The following KLHL22 variants were observed in gnomAD, a reference collection of about 807,000 sequenced individuals.
KLHL22 encodes kelch-like protein 22.
In KLHL22, 18 loss-of-function variants were observed where a neutral mutation model predicts 60.7. That is an observed-to-expected ratio of 0.30 (90% CI 0.20 to 0.44). KLHL22 has a LOEUF of 0.44. KLHL22 is among the 20% of genes least tolerant of loss of function. The pLI is 1.00. For synonymous variants in KLHL22, 355 were observed against 354.5 expected (o/e 1.00, Z -0.01); for missense variants, 596 against 852.3 (o/e 0.70, Z 3.74).
intron 3 of KLHL22, among the ~76,000 whole-genome samples, chr22:20,468,231 G>A (rs1463554143): frequency 6.6e-6 from 1 of 152,190 alleles, no homozygotes; most frequent in African/African-American, 2.4e-5. Context: ...TCATGGGCCA[G>A]GGTCCTGAAG....
intron 5 of KLHL22, among the ~76,000 whole-genome samples, chr22:20,457,356 G>A (rs563485843): frequency 6.6e-6 from 1 of 152,126 alleles, no homozygotes; most frequent in East Asian, 1.9e-4. Flanking sequence ...GCTCTGGAAG[G>A]CGCCACCCTT....
Position 20,494,760 on chromosome 22 carries a change from G to A in KLHL22, c.-34+1000C>T, listed in dbSNP as rs190562837. On this transcript the variant is annotated intron_variant, in intron 1 of 6. Transcript: ENST00000328879. ...CGAAGTTTCAGTGGGGAGAAGAAAG[G>A]AAGCTTAATGTGCCACATAGCTACA... Among the ~76,000 whole-genome samples, 7 of 152,354 alleles carry A rather than the reference G, an allele frequency of 4.6e-5. No individual in the cohort carries two copies. In the East Asian group the frequency reaches 1.2e-3, roughly 25 times the overall value.
At chr22:20,455,913 C>A (rs1178059257) in intron 5 of KLHL22, among the ~76,000 whole-genome samples, 1 of 152,202 alleles carries the variant, frequency 6.6e-6, no homozygotes, top group Non-Finnish European at 1.5e-5. Flanking sequence ...AGGGAGGTTT[C>A]CCATGCCAGT....
intron 2 of KLHL22, among the ~76,000 whole-genome samples, chr22:20,473,871 G>C (rs1212737772): frequency 6.6e-6 from 1 of 151,796 alleles, no homozygotes; most frequent in East Asian, 1.9e-4. Flanking sequence ...GTGAAACTCT[G>C]TCACACACAC....
At chr22:20,458,039 C>A in intron 4 of KLHL22, 39 bp from the exon 5 acceptor site, 12 of 1,606,732 alleles carry the variant, frequency 7.5e-6, no homozygotes, top group Non-Finnish European at 1.0e-5. Flanking sequence ...ACTGACTAGG[C>A]AGGGAGGCTG....
At chr22:20,476,737 T>C (rs1181985917) in intron 2 of KLHL22, among the ~76,000 whole-genome samples, 6 of 117,590 alleles carry the variant, frequency 5.1e-5, no homozygotes, top group African/African-American at 1.4e-4. Context: ...TGACAGAGTC[T>C]CGCTCTTGTT....
chr22:20,488,659 CTG>C (rs1239002945), intron 2 of KLHL22: 7 of 227,516 alleles, frequency 3.1e-5, no homozygotes, highest in African/African-American at 2.3e-4. Flanking sequence ...GCAATAATTA[CTG>C]ACGGAGGGGA....
At position 20,477,762 on chromosome 22, in the gene KLHL22, A is replaced by C. The variant is rs1159587320; in HGVS notation, c.228-6247T>G. The stretch of plus-strand genomic sequence containing the variant: ...GATTACACATTTCTTTTTCATTTTT[A>C]TGTTTTTAGAGACAGGGTTGCTACG... On this transcript the variant is annotated intron_variant, in intron 2 of 6. Transcript: ENST00000328879. Among the ~76,000 whole-genome samples, 3 of 152,190 alleles carry C rather than the reference A, an allele frequency of 2.0e-5. No individual in the cohort carries two copies. The East Asian group carries it at 5.8e-4, about 29-fold the overall frequency.
rs2053754971 is a variant in KLHL22, at chr22:20,495,497, A to C, written c.-34+263T>G. Among the ~76,000 whole-genome samples, 1 of 151,778 alleles carries C rather than the reference A, an allele frequency of 6.6e-6. No homozygotes were observed. The highest frequency in any genetic ancestry group is 1.5e-5 in the Non-Finnish European group (1 of 67,904). ...CGGCGCGCCAGCAGCCGCGCTGAGG[A>C]GGCCTCGCACCCTGGCCCCTGGCCG... On this transcript the variant is annotated intron_variant, in intron 1 of 6. Coordinates refer to ENST00000328879, the MANE Select transcript of KLHL22 (RefSeq NM_032775.4). The surrounding 1 kb of genome is among the most constrained non-coding windows in gnomAD (Gnocchi z 4.6).
intron 3 of KLHL22, among the ~76,000 whole-genome samples, chr22:20,466,017 A>G (rs1289147475): frequency 1.3e-5 from 2 of 152,130 alleles, no homozygotes; most frequent in South Asian, 2.1e-4. Context: ...GAAGAGGAAC[A>G]TGATGAAAAT....
chr22:20,466,149 G>A (rs1319087420), intron 3 of KLHL22, among the ~76,000 whole-genome samples: 1 of 152,034 alleles, frequency 6.6e-6, no homozygotes, highest in African/African-American at 2.4e-5. Flanking sequence ...GACAAGGTGG[G>A]TGTATCACGA....
intron 1 of KLHL22, among the ~76,000 whole-genome samples, chr22:20,492,927 G>A (rs1057036324): frequency 4.6e-5 from 7 of 152,022 alleles, no homozygotes; most frequent in Admixed American, 2.0e-4. Flanking sequence ...AGGAGATTCC[G>A]GCTTCTTGAG....
chr22:20,458,105 C>A, intron 4 of KLHL22, 105 bp from the exon 5 acceptor site: 1 of 1,248,056 alleles, frequency 8.0e-7, no homozygotes, highest in Non-Finnish European at 1.1e-6. Context: ...CTCAGCCCAG[C>A]CTGAACCCTC....
intron 2 of KLHL22, among the ~76,000 whole-genome samples, chr22:20,486,054 G>A (rs1284951623): frequency 6.7e-6 from 1 of 149,166 alleles, no homozygotes; most frequent in Admixed American, 6.8e-5. Flanking sequence ...TGTAGTCCCA[G>A]CTACTCGAGA....
intron 2 of KLHL22, among the ~76,000 whole-genome samples, chr22:20,472,204 A>G (rs556979725): frequency 2.0e-5 from 3 of 152,210 alleles, no homozygotes; most frequent in Admixed American, 6.5e-5. Context: ...CCAAGATTGC[A>G]CCACTGCACT....
At chr22:20,491,809 A>T (rs1365530703) in intron 1 of KLHL22, 1 of 152,248 alleles carries the variant, frequency 6.6e-6, no homozygotes, top group African/African-American at 2.4e-5. Flanking sequence ...CATCCCCTGG[A>T]TGCTCTACTG....
At chr22:20,471,945 T>C (rs373526508) in intron 2 of KLHL22, among the ~76,000 whole-genome samples, 3 of 152,288 alleles carry the variant, frequency 2.0e-5, no homozygotes, top group African/African-American at 7.2e-5. Context: ...ATGCCAAGTA[T>C]CATTCAAAGA....
At position 20,445,208 on chromosome 22, in the gene KLHL22, A is replaced by ATTT. The variant is rs57956195; in HGVS notation, c.1539+1232_1539+1234dup. On this transcript the variant is annotated intron_variant, in intron 6 of 6. Transcript: ENST00000328879. The stretch of plus-strand genomic sequence containing the variant: ...TGAATGCTTTTCCTCACCCTTCTCT[A>ATTT]TTTTTTTTTTTTTTTTGAGATGGAG... Among the ~76,000 whole-genome samples the ATTT allele has an allele frequency of 1.1e-3, 132 of 120,478 alleles. No individual in the cohort carries two copies. In the East Asian group the frequency reaches 0.016, roughly 15 times the overall value. 79.0% of individuals were successfully genotyped at this position (120,478 alleles called of 152,430 possible).
chr22:20,467,947 G>A (rs149861317), intron 3 of KLHL22, among the ~76,000 whole-genome samples: 4 of 152,258 alleles, frequency 2.6e-5, no homozygotes, highest in African/African-American at 7.2e-5. Flanking sequence ...CGTGAGCCAC[G>A]GCGCCCGGCC....
Sources: gnomAD v4.1 joint callset for allele counts (sites outside exome capture counted in the v4.1 genomes callset) on GRCh38, gnomAD v4.1.1 for gene constraint, Gnocchi (gnomAD v3.1) non-coding constraint, MANE v1.5 for transcripts, NCBI Gene and HGNC (gene_info 2026-07-23, HGNC 2026-07-21) for gene names.